The following GRM7 variants were observed in gnomAD, a reference collection of about 807,000 sequenced individuals.
GRM7 encodes glutamate metabotropic receptor 7, also known as metabotropic glutamate receptor 7.
In GRM7, 35 loss-of-function variants were observed where a neutral mutation model predicts 84.5. That is an observed-to-expected ratio of 0.41 (90% CI 0.32 to 0.55). The LOEUF (loss-of-function observed/expected upper bound fraction) is 0.55. Ranked by LOEUF, GRM7 falls within the 20% of genes least tolerant of loss-of-function variation. GRM7 has a pLI of 0.19. For synonymous variants in GRM7, 487 were observed against 455.1 expected (o/e 1.07, Z -0.89); for missense variants, 1,003 against 1,194.6 (o/e 0.84, Z 2.36).
chr3:7,309,142 T>A (rs1430797632), intron 4 of GRM7, among the ~76,000 whole-genome samples: 1 of 152,192 alleles, frequency 6.6e-6, no homozygotes, highest in Non-Finnish European at 1.5e-5. Flanking sequence ...CTAGCCATAT[T>A]GCCTAGGTAC....
chr3:7,420,943 C>G (rs1313547868), intron 5 of GRM7, among the ~76,000 whole-genome samples: 1 of 152,016 alleles, frequency 6.6e-6, no homozygotes, highest in African/African-American at 2.4e-5. Flanking sequence ...ATCTAAAATC[C>G]TCATTGTTTT....
chr3:7,333,746 G>T (rs969685324), intron 4 of GRM7, among the ~76,000 whole-genome samples: 4 of 151,218 alleles, frequency 2.6e-5, no homozygotes, highest in Admixed American at 6.6e-5. Context: ...AGTCTCCAGA[G>T]AAATAAATAT....
intron 8 of GRM7, among the ~76,000 whole-genome samples, chr3:7,594,287 C>T (rs1054310871): frequency 3.3e-5 from 5 of 152,052 alleles, no homozygotes; most frequent in East Asian, 1.9e-4. Flanking sequence ...TGAATCATAG[C>T]CAAAATGTAG....
chr3:6,987,448 C>T (rs1225966231), intron 1 of GRM7, among the ~76,000 whole-genome samples: 1 of 151,514 alleles, frequency 6.6e-6, no homozygotes, highest in Non-Finnish European at 1.5e-5. Context: ...TTTGGTACTG[C>T]TCTAAACAAG....
At chr3:7,319,013 G>A (rs559335226) in intron 4 of GRM7, among the ~76,000 whole-genome samples, 33 of 152,104 alleles carry the variant, frequency 2.2e-4, no homozygotes, top group African/African-American at 5.8e-4. Context: ...AGTTTTTGAG[G>A]TTGTTTCATT....
intron 7 of GRM7, among the ~76,000 whole-genome samples, chr3:7,503,657 C>T (rs989945242): frequency 6.6e-6 from 1 of 152,094 alleles, no homozygotes; most frequent in Non-Finnish European, 1.5e-5. Flanking sequence ...TAGATGATTA[C>T]TTCTGTATGT....
Position 7,579,129 on chromosome 3 carries a change from G to A in GRM7, c.2223G>A (p.Glu741=), listed in dbSNP as rs750422270. 6.2e-7 allele frequency: 1 copy of A among 1,613,848 alleles called. No individual in the cohort carries two copies. The highest frequency in any genetic ancestry group is 1.1e-5 in the South Asian group (1 of 91,058). The part of the protein sequence containing the change: ...DYDEHKTMNP[E]QARGVLKCDI... Reference sequence around the variant, plus strand: ...ATGAACACAAGACAATGAACCCTGAGCAAGCCAGAGGGGTTCTCAAGTGTG... The same window carrying A: ...ATGAACACAAGACAATGAACCCTGAACAAGCCAGAGGGGTTCTCAAGTGTG... Residue 741 remains glutamate, a synonymous_variant, in exon 8 of 10, where the codon GAG becomes GAA. Transcript: ENST00000357716.
intron 1 of GRM7, among the ~76,000 whole-genome samples, chr3:6,917,666 T>G (rs1452649162): frequency 6.6e-6 from 1 of 152,100 alleles, no homozygotes; most frequent in Non-Finnish European, 1.5e-5. Flanking sequence ...AGACAATCTT[T>G]CCTCAGGAAA....
intron 4 of GRM7, among the ~76,000 whole-genome samples, chr3:7,396,601 C>A (rs980475705): frequency 3.9e-5 from 6 of 152,006 alleles, no homozygotes; most frequent in Non-Finnish European, 8.8e-5. Flanking sequence ...GTGTTTCATG[C>A]AATTTTTCTC....
rs185236009 is a variant in GRM7 at position 7,484,967 on chromosome 3, A to G, written c.1515+23245A>G. Among the ~76,000 whole-genome samples the G allele has an allele frequency of 3.7e-4, 57 of 152,334 alleles. 2 individuals are homozygous for G. The South Asian group carries it at 7.7e-3, about 20-fold the overall frequency. On this transcript the variant is annotated intron_variant, in intron 7 of 9. Coordinates refer to ENST00000357716, the MANE Select transcript of GRM7 (RefSeq NM_000844.4). ...CTTGCTTTGAAAGAAGTTAGCTGCC[A>G]GATTGTGACTTGCCCTATGGAGAGA...
At chr3:7,489,392 C>A (rs1699441546) in intron 7 of GRM7, among the ~76,000 whole-genome samples, 1 of 152,074 alleles carries the variant, frequency 6.6e-6, no homozygotes, top group African/African-American at 2.4e-5. Flanking sequence ...TTGTTATTTC[C>A]ATTTTACAAG....
rs540636346 is a variant in GRM7 at position 7,084,652 on chromosome 3, T to C, written c.520-61800T>C. On this transcript the variant is annotated intron_variant, in intron 1 of 9. Coordinates refer to ENST00000357716, the MANE Select transcript of GRM7 (RefSeq NM_000844.4). ...TTAGTTCTAGGTGTAGTTATTGTGA[T>C]GTGTCTATTAGTCACTCAAGTAGAG... 5.9e-5 allele frequency among the ~76,000 whole-genome samples: 9 copies of C among 152,244 alleles called. No individual in the cohort carries two copies. The South Asian group carries it at 1.9e-3, about 32-fold the overall frequency.
intron 2 of GRM7, among the ~76,000 whole-genome samples, chr3:7,204,649 A>C (rs1282372304): frequency 1.3e-5 from 2 of 152,224 alleles, no homozygotes; most frequent in Admixed American, 1.3e-4. Context: ...CTGCAGAAAT[A>C]GGAAGACCTG....
At chr3:7,266,145 C>T (rs902465083) in intron 2 of GRM7, among the ~76,000 whole-genome samples, 4 of 151,814 alleles carry the variant, frequency 2.6e-5, no homozygotes, top group Admixed American at 1.3e-4. Context: ...ATGAAATGAA[C>T]AAATGAAGGT....
At chr3:7,165,547 C>T (rs547883372) in intron 2 of GRM7, among the ~76,000 whole-genome samples, 1 of 152,138 alleles carries the variant, frequency 6.6e-6, no homozygotes, top group South Asian at 2.1e-4. Flanking sequence ...GAAAAATTTC[C>T]ACTAACAGAA....
At chr3:7,038,271 A>T (rs1246640073) in intron 1 of GRM7, among the ~76,000 whole-genome samples, 3 of 152,240 alleles carry the variant, frequency 2.0e-5, no homozygotes, top group African/African-American at 7.2e-5. Flanking sequence ...CAGCTAACCA[A>T]GAAGGGAGGC....
At chr3:7,053,375 AAG>A (rs1481938178) in intron 1 of GRM7, among the ~76,000 whole-genome samples, 1 of 151,546 alleles carries the variant, frequency 6.6e-6, no homozygotes, top group Non-Finnish European at 1.5e-5. Context: ...ATGTATGAAA[AAG>A]AGCATTTTAA....
intron 8 of GRM7, among the ~76,000 whole-genome samples, chr3:7,592,312 ATTAGG>A (rs1695828298): frequency 6.6e-6 from 1 of 152,194 alleles, no homozygotes; most frequent in Non-Finnish European, 1.5e-5. Flanking sequence ...ACAGTCTGCA[ATTAGG>A]AATAGGGGCT....
At chr3:7,178,595 A>G (rs1458170272) in intron 2 of GRM7, among the ~76,000 whole-genome samples, 1 of 152,162 alleles carries the variant, frequency 6.6e-6, no homozygotes, top group Non-Finnish European at 1.5e-5. Context: ...GAGTCGACCC[A>G]TAAAGCAGAA....
Sources: allele counts gnomAD v4.1 joint callset (sites outside exome capture counted in the v4.1 genomes callset), GRCh38; gene constraint gnomAD v4.1.1; transcripts MANE v1.5; gene names NCBI Gene and HGNC (gene_info 2026-07-23, HGNC 2026-07-21).